The following DCHS2 variants were observed in gnomAD, a reference collection of about 807,000 sequenced individuals.
DCHS2 encodes the protein protocadherin-23.
In DCHS2, 142 loss-of-function variants were observed where a neutral mutation model predicts 182.4. The ratio of observed to expected loss-of-function variants is 0.78; its 90% confidence interval spans 0.68 to 0.89. The LOEUF is 0.89. Ranked by LOEUF, DCHS2 falls within the 40% of genes least tolerant of loss-of-function variation. The pLI is 0.00. For synonymous variants in DCHS2, 1,740 were observed against 1,663.3 expected (o/e 1.05, Z -1.12); for missense variants, 4,319 against 4,198.6 (o/e 1.03, Z -0.79).
intron 1 of DCHS2, among the ~76,000 whole-genome samples, chr4:154,443,085 C>T (rs914196941): frequency 4.6e-5 from 7 of 152,028 alleles, no homozygotes; most frequent in Admixed American, 4.6e-4. Flanking sequence ...CTCCAACAAC[C>T]ACCACCGCCT....
intron 1 of DCHS2, among the ~76,000 whole-genome samples, chr4:154,401,026 C>A: frequency 6.6e-6 from 1 of 152,174 alleles, no homozygotes; most frequent in East Asian, 1.9e-4. Flanking sequence ...AAATAGAGAA[C>A]ATTTAAATCA....
chr4:154,457,187 T>G (rs1734803167), intron 1 of DCHS2, among the ~76,000 whole-genome samples: 1 of 152,132 alleles, frequency 6.6e-6, no homozygotes, highest in Non-Finnish European at 1.5e-5. Flanking sequence ...AACCAAAAAG[T>G]AAGAAAACAG....
chr4:154,387,843 G>A (rs1304251981), intron 1 of DCHS2, among the ~76,000 whole-genome samples: 1 of 151,816 alleles, frequency 6.6e-6, no homozygotes, highest in Non-Finnish European at 1.5e-5. Flanking sequence ...AGATTTCCCA[G>A]TAAAAACAAA....
chr4:154,346,166 T>C (rs1729351555), intron 3 of DCHS2, among the ~76,000 whole-genome samples: 1 of 152,068 alleles, frequency 6.6e-6, no homozygotes, highest in Non-Finnish European at 1.5e-5. Flanking sequence ...CCATTAGGGG[T>C]GAGGGTTTCA....
chr4:154,421,641 A>T (rs9790575), intron 1 of DCHS2, among the ~76,000 whole-genome samples: 1 of 151,990 alleles, frequency 6.6e-6, no homozygotes, highest in Non-Finnish European at 1.5e-5. Flanking sequence ...AAAATCCACC[A>T]CCTTGGCCTC....
intron 3 of DCHS2, among the ~76,000 whole-genome samples, chr4:154,343,842 C>T (rs531509580): frequency 3.9e-5 from 6 of 152,294 alleles, no homozygotes; most frequent in South Asian, 2.1e-4. Context: ...ATTCACAATT[C>T]GGATAACTGT....
At chr4:154,446,625 T>C (rs1481902717) in intron 1 of DCHS2, among the ~76,000 whole-genome samples, 2 of 152,088 alleles carry the variant, frequency 1.3e-5, no homozygotes, top group African/African-American at 4.8e-5. Context: ...GAGTAAGGGA[T>C]TGAGCTGGAA....
intron 2 of DCHS2, among the ~76,000 whole-genome samples, chr4:154,374,631 A>G (rs1480845675): frequency 1.3e-5 from 2 of 152,198 alleles, no homozygotes; most frequent in Admixed American, 6.5e-5. Flanking sequence ...AAAGGGCTGT[A>G]CTTCATGTTC....
chr4:154,490,332 C>A lies in DCHS2; in HGVS notation c.1024G>T (p.Gly342Trp), dbSNP rs1330212988. The change falls in exon 1 of 20, where the codon GGG (glycine) becomes TGG (tryptophan). Residue 342 changes from glycine to tryptophan, a missense_variant. Transcript: ENST00000357232. ...RYSVRARQVPGAGSGGGALGD... is the reference protein window; with the variant it reads ...RYSVRARQVPWAGSGGGALGD... ...AGTGCCCCGCCGCCGCTACCCGCCC[C>A]AGGCACTTGCCGGGCGCGGACGCTG... 1.6e-5 allele frequency: 24 copies of A among 1,542,992 alleles called. No homozygotes were observed. Among genetic ancestry groups the A allele is most frequent in the Non-Finnish European group, 2.1e-5 (24 of 1,145,956 alleles).
chr4:154,260,454 A>G (rs1388732850), intron 14 of DCHS2, among the ~76,000 whole-genome samples: 1 of 152,094 alleles, frequency 6.6e-6, no homozygotes, highest in Non-Finnish European at 1.5e-5. Context: ...TAGCCACAAA[A>G]TTGGTCTCTC....
In DCHS2 at chr4:154,232,649, G is replaced by GTTTC. The variant is rs1731248022; in HGVS notation, c.*1883_*1886dup. Reference sequence around the variant, plus strand: ...TATAATTAGGAAAATATAGTATAGGGTTTCTTTCTATGCTCAAAGCAATGT... The same window carrying GTTTC: ...TATAATTAGGAAAATATAGTATAGGGTTTCTTTCTTTCTATGCTCAAAGCAATGT... On this transcript the variant is annotated 3_prime_UTR_variant, in exon 20 of 20. Transcript: ENST00000357232. The GTTTC allele has an allele frequency of 6.6e-6, 1 of 151,842 alleles. No homozygotes were observed. Among genetic ancestry groups the GTTTC allele is most frequent in the Non-Finnish European group, 1.5e-5 (1 of 67,966 alleles). 9.4% of individuals were successfully genotyped at this position (151,842 alleles called of 1,614,324 possible). A position where few individuals can be genotyped will look rare whatever the true frequency, so the allele number is the denominator to read the frequency against.
chr4:154,374,063 A>G (rs1730777115), intron 2 of DCHS2: 2 of 954,754 alleles, frequency 2.1e-6, no homozygotes, highest in East Asian at 5.3e-5. Flanking sequence ...ACAATACCAG[A>G]AAAGACACCT....
intron 1 of DCHS2, among the ~76,000 whole-genome samples, chr4:154,427,621 T>C (rs939768816): frequency 6.6e-6 from 1 of 152,250 alleles, no homozygotes; most frequent in African/African-American, 2.4e-5. Flanking sequence ...ATCTGAGTTA[T>C]GTCTTGAAAG....
intron 14 of DCHS2, among the ~76,000 whole-genome samples, chr4:154,267,725 G>T (rs567153425): frequency 2.0e-5 from 3 of 152,040 alleles, no homozygotes; most frequent in South Asian, 4.2e-4. Context: ...CTAGCTTTAC[G>T]GCAATTAGAG....
At chr4:154,419,731 T>G (rs1579066157) in intron 1 of DCHS2, among the ~76,000 whole-genome samples, 2 of 126,260 alleles carry the variant, frequency 1.6e-5, no homozygotes, top group Admixed American at 1.7e-4. Context: ...AGGAAAGGAG[T>G]CATCTAAGTC....
chr4:154,320,804 A>G lies in DCHS2; in HGVS notation c.4595T>C (p.Phe1532Ser), dbSNP rs778645996. 1 of 1,614,092 alleles carries G rather than the reference A, an allele frequency of 6.2e-7. No individual in the cohort carries two copies. Among genetic ancestry groups the G allele is most frequent in the East Asian group, 2.2e-5 (1 of 44,880 alleles). The change falls in exon 9 of 20, where the codon TTC (phenylalanine) becomes TCC (serine). Residue 1532 changes from phenylalanine (F) to serine (S), a missense_variant. Coordinates refer to ENST00000357232, the MANE Select transcript of DCHS2 (RefSeq NM_001358235.2). ...ACTGCCGTCATCATCTTTGGCATTGAAGACATACACCAGGGTTCCTATGGG... is the reference window on the plus strand; with the variant it reads ...ACTGCCGTCATCATCTTTGGCATTGGAGACATACACCAGGGTTCCTATGGG... ...NVPIGTLVYVFNAKDDDGSFL... is the reference protein window; with the variant it reads ...NVPIGTLVYVSNAKDDDGSFL...
intron 2 of DCHS2, among the ~76,000 whole-genome samples, chr4:154,368,559 C>T (rs1730500911): frequency 6.6e-6 from 1 of 151,036 alleles, no homozygotes; most frequent in Admixed American, 6.6e-5. Flanking sequence ...TGTTGTTGCC[C>T]AGGCTGAAGT....
chr4:154,426,431 A>T (rs1733327705), intron 1 of DCHS2, among the ~76,000 whole-genome samples: 1 of 152,156 alleles, frequency 6.6e-6, no homozygotes, highest in South Asian at 2.1e-4. Context: ...TCCATTCATC[A>T]TGATGATCTA....
intron 2 of DCHS2, among the ~76,000 whole-genome samples, chr4:154,374,885 G>A (rs78119637): frequency 0.017 from 2,646 of 152,198 alleles, 92 homozygotes; most frequent in African/African-American, 0.06. Context: ...AAATCAAAGC[G>A]CAGAACGGTG....
Sources: gnomAD v4.1 joint callset for allele counts (sites outside exome capture counted in the v4.1 genomes callset) on GRCh38, gnomAD v4.1.1 for gene constraint, MANE v1.5 for transcripts, NCBI Gene and HGNC (gene_info 2026-07-23, HGNC 2026-07-21) for gene names.